DNAAF4: variants seen among roughly 807,000 people sequenced by gnomAD.
DNAAF4 encodes the protein dynein assembly factor 4, axonemal.
In DNAAF4, 43 loss-of-function variants were observed where a neutral mutation model predicts 51.8. That is an observed-to-expected ratio of 0.83 (90% CI 0.65 to 1.07). The LOEUF is 1.07. Ranked by LOEUF, DNAAF4 falls within the 50% of genes least tolerant of loss-of-function variation. The pLI, the probability that DNAAF4 is intolerant of heterozygous loss-of-function variation, is 0.00. For synonymous variants in DNAAF4, 194 were observed against 165.6 expected, an observed-to-expected ratio of 1.17 and a Z score of -1.32; for missense variants, 581 against 493.0, an observed-to-expected ratio of 1.18 and a Z score of -1.69.
chr15:55,478,287 T>A (rs952475072), intron 4 of DNAAF4, among the ~76,000 whole-genome samples: 1 of 152,208 alleles, frequency 6.6e-6, no homozygotes, highest in African/African-American at 2.4e-5. Context: ...AACCTGCCAA[T>A]TTGAAAAACA....
downstream of DNAAF4, among the ~76,000 whole-genome samples, chr15:55,427,052 GTTTT>G (rs140646075): frequency 2.1e-3 from 314 of 150,508 alleles, no homozygotes; most frequent in Admixed American, 4.3e-3. Context: ...GAAGACCAGA[GTTTT>G]TTTGTTTTTT....
At chr15:55,437,043 C>G (rs1265141934) in intron 7 of DNAAF4, among the ~76,000 whole-genome samples, 2 of 151,990 alleles carry the variant, frequency 1.3e-5, no homozygotes, top group South Asian at 4.2e-4. Flanking sequence ...TGGTGAACTC[C>G]CAACCTCAGG....
intron 6 of DNAAF4, among the ~76,000 whole-genome samples, chr15:55,448,134 T>A (rs2057868072): frequency 1.3e-5 from 2 of 152,168 alleles, no homozygotes; most frequent in Non-Finnish European, 2.9e-5. Flanking sequence ...CTGTTGAATT[T>A]TGTCAAAGGC....
At chr15:55,468,470 G>A (rs1487338390) in intron 4 of DNAAF4, among the ~76,000 whole-genome samples, 1 of 151,902 alleles carries the variant, frequency 6.6e-6, no homozygotes, top group African/African-American at 2.4e-5. Flanking sequence ...TTGCCAGTAA[G>A]CTGCCAACAG....
intron 4 of DNAAF4, 84 bp downstream of exon 4, chr15:55,491,039 G>A: frequency 2.0e-6 from 3 of 1,506,258 alleles, no homozygotes; most frequent in African/African-American, 1.4e-5. Flanking sequence ...AAAATGCTGA[G>A]GAAGTCCAGC....
At chr15:55,440,596 G>C (rs1258355191) in intron 6 of DNAAF4, among the ~76,000 whole-genome samples, 2 of 151,052 alleles carry the variant, frequency 1.3e-5, no homozygotes, top group African/African-American at 4.9e-5. Flanking sequence ...TCGATCTCCT[G>C]ACCTTGTGAT....
At position 55,446,299 on chromosome 15, in the gene DNAAF4, G is replaced by GC. The variant is rs1555415278; in HGVS notation, c.783+3922_783+3923insG. 3.1e-5 allele frequency among the ~76,000 whole-genome samples: 3 copies of GC among 97,744 alleles called. 1 individual carries two copies. The highest frequency in any genetic ancestry group is 5.9e-5 in the Non-Finnish European group (3 of 51,000). 64.1% of individuals were successfully genotyped at this position (97,744 alleles called of 152,430 possible). A position where few individuals can be genotyped will look rare whatever the true frequency, so the allele number is the denominator to read the frequency against. On this transcript the variant is annotated intron_variant, in intron 6 of 9. Transcript: ENST00000321149. ...GAGGCGCTCCTCACATCCCAGACGG[G>GC]GGGGGGGGGCAGCTGGGCAGAGGCA...
Position 55,502,139 on chromosome 15 carries a change from A to G in DNAAF4, c.-255-3555T>C, listed in dbSNP as rs552752192. On this transcript the variant is annotated intron_variant, in intron 1 of 9. Coordinates refer to ENST00000321149, the MANE Select transcript of DNAAF4 (RefSeq NM_130810.4). ...GCCCTTCAGCCAGAGACACAGGGAC[A>G]TTTGTGGTTGAACAAGATGAATTCA... Among the ~76,000 whole-genome samples the G allele has an allele frequency of 2.6e-5, 4 of 152,268 alleles. No individual in the cohort carries two copies. The South Asian group carries it at 8.3e-4, about 32-fold the overall frequency.
At position 55,471,748 on chromosome 15, in the gene DNAAF4, C is replaced by T. The variant is rs571365723; in HGVS notation, c.406-4587G>A. ...CAGGATGGTCTCGATCTCCTGACCTCGTGATCTGCCCGCCTCGGCCTCCCA... is the reference window on the plus strand; with the variant it reads ...CAGGATGGTCTCGATCTCCTGACCTTGTGATCTGCCCGCCTCGGCCTCCCA... On this transcript the variant is annotated intron_variant, in intron 4 of 9. Transcript: ENST00000321149. Among the ~76,000 whole-genome samples, 16 of 152,014 alleles carry T rather than the reference C, an allele frequency of 1.1e-4. No homozygotes were observed. The South Asian group carries it at 2.9e-3, about 28-fold the overall frequency.
At chr15:55,429,158 G>C (rs1009873965), downstream of DNAAF4, among the ~76,000 whole-genome samples, 1 of 151,776 alleles carries the variant, frequency 6.6e-6, no homozygotes, top group African/African-American at 2.4e-5. Flanking sequence ...GGAGACGGAG[G>C]TTGCAGTGAG....
chr15:55,462,677 C>A (rs545761618), intron 5 of DNAAF4, among the ~76,000 whole-genome samples: 1 of 150,256 alleles, frequency 6.7e-6, no homozygotes, highest in South Asian at 2.1e-4. Context: ...CTGATGAACA[C>A]AGATGTAACA....
At chr15:55,432,444 C>T in intron 9 of DNAAF4, 53 bp downstream of exon 9, 3 of 1,407,384 alleles carry the variant, frequency 2.1e-6, no homozygotes, top group Non-Finnish European at 3.0e-6. Flanking sequence ...ATTCCAATGA[C>T]ATTTTTTTCA....
intron 5 of DNAAF4, among the ~76,000 whole-genome samples, chr15:55,450,748 TC>T (rs1172056061): frequency 1.3e-5 from 2 of 152,170 alleles, no homozygotes; most frequent in Admixed American, 1.3e-4. Flanking sequence ...ATACTTTATC[TC>T]CTATATGCTT....
chr15:55,469,377 G>GA (rs1282214596), intron 4 of DNAAF4, among the ~76,000 whole-genome samples: 1 of 142,642 alleles, frequency 7.0e-6, no homozygotes, highest in Non-Finnish European at 1.5e-5. Flanking sequence ...AGTGTACAGA[G>GA]AAAAAACAAA....
chr15:55,498,177 G>A, intron 2 of DNAAF4, 30 bp downstream of exon 2: 1 of 1,614,102 alleles, frequency 6.2e-7, no homozygotes, highest in Non-Finnish European at 8.5e-7. Context: ...CACACCCCCG[G>A]AGACCGGCAG....
intron 4 of DNAAF4, among the ~76,000 whole-genome samples, chr15:55,484,683 C>T (rs1187940091): frequency 6.6e-6 from 1 of 152,004 alleles, no homozygotes; most frequent in East Asian, 1.9e-4. Context: ...TAAGTATTAA[C>T]TCACACAATC....
intron 4 of DNAAF4, among the ~76,000 whole-genome samples, chr15:55,476,435 AGAGT>A (rs1285672703): frequency 6.6e-6 from 1 of 152,192 alleles, no homozygotes; most frequent in Non-Finnish European, 1.5e-5. Flanking sequence ...CCTGTACAAT[AGAGT>A]GAGACCTTAT....
intron 5 of DNAAF4, among the ~76,000 whole-genome samples, chr15:55,465,391 TATACACACACACAC>T (rs1400765098): frequency 6.8e-6 from 1 of 147,838 alleles, no homozygotes; most frequent in Non-Finnish European, 1.5e-5. Flanking sequence ...ATGGTGTATA[TATACACACACACAC>T]ACACACACAC....
Position 55,494,765 on chromosome 15 carries a change from T to C in DNAAF4, c.271+2947A>G, listed in dbSNP as rs994304689. 2.0e-5 allele frequency among the ~76,000 whole-genome samples: 3 copies of C among 152,212 alleles called. No homozygotes were observed. The South Asian group carries it at 6.2e-4, about 32-fold the overall frequency. On this transcript the variant is annotated intron_variant, in intron 3 of 9. Transcript: ENST00000321149. ...GTCTAAATCAGAGGTTGGCAAACTATGACCCATGGGCCAAATCCGACCTGC... is the reference window on the plus strand; with the variant it reads ...GTCTAAATCAGAGGTTGGCAAACTACGACCCATGGGCCAAATCCGACCTGC...
Sources: allele counts gnomAD v4.1 joint callset (sites outside exome capture counted in the v4.1 genomes callset), GRCh38; gene constraint gnomAD v4.1.1; transcripts MANE v1.5; gene names NCBI Gene and HGNC (gene_info 2026-07-23, HGNC 2026-07-21).